SLC17A5: variants seen among roughly 807,000 people sequenced by gnomAD.
SLC17A5 encodes the protein sialin.
In SLC17A5, 47 loss-of-function variants were observed where a neutral mutation model predicts 59.4. That is an observed-to-expected ratio of 0.79 (90% CI 0.63 to 1.01). The LOEUF (loss-of-function observed/expected upper bound fraction) is 1.01. Among genes scored for constraint, SLC17A5 ranks in the 50% least tolerant of loss-of-function variants. SLC17A5 has a pLI of 0.00. For synonymous variants in SLC17A5, 202 were observed against 210.7 expected, an observed-to-expected ratio of 0.96 and a Z score of 0.36; for missense variants, 522 against 595.5, an observed-to-expected ratio of 0.88 and a Z score of 1.28.
intron 6 of SLC17A5, among the ~76,000 whole-genome samples, chr6:73,623,338 C>T (rs575363914): frequency 3.3e-4 from 48 of 147,660 alleles, no homozygotes; most frequent in Admixed American, 1.2e-3. Context: ...TGCACCTGGC[C>T]TATGTATTTT....
chr6:73,596,578 C>A (rs896292856), intron 10 of SLC17A5, among the ~76,000 whole-genome samples: 1 of 152,174 alleles, frequency 6.6e-6, no homozygotes, highest in Non-Finnish European at 1.5e-5. Flanking sequence ...AACACACGGC[C>A]GGGCGTGGTG....
In SLC17A5 at chr6:73,599,883, G is replaced by A. The variant is rs141804307; in HGVS notation, c.1350+468C>T. 1.8e-3 allele frequency among the ~76,000 whole-genome samples: 269 copies of A among 151,640 alleles called. 1 individual carries two copies. Among genetic ancestry groups the A allele is most frequent in the African/African-American group, 6.0e-3 (248 of 41,322 alleles). ...GTGATGTTGGCTTACTGCAACCTCCGCCTCCTGGGTTTGAGCGATTCTTGT... is the reference window on the plus strand; with the variant it reads ...GTGATGTTGGCTTACTGCAACCTCCACCTCCTGGGTTTGAGCGATTCTTGT... On this transcript the variant is annotated intron_variant, in intron 10 of 10. Transcript: ENST00000355773.
chr6:73,597,263 G>A (rs1581950525), intron 10 of SLC17A5, among the ~76,000 whole-genome samples: 1 of 150,748 alleles, frequency 6.6e-6, no homozygotes, highest in Admixed American at 6.6e-5. Context: ...GTCAGGAGAT[G>A]GAGACTGTCC....
Position 73,594,761 on chromosome 6 carries a change from C to T in SLC17A5, c.*316G>A, listed in dbSNP as rs78989857. 8.5e-4 allele frequency: 311 copies of T among 364,224 alleles called. 2 individuals are homozygous for T. The highest frequency in any genetic ancestry group is 5.8e-3 in the African/African-American group (277 of 48,048). 22.6% of individuals were successfully genotyped at this position (364,224 alleles called of 1,614,324 possible). A position where few individuals can be genotyped will look rare whatever the true frequency, so the allele number is the denominator to read the frequency against. On this transcript the variant is annotated 3_prime_UTR_variant, in exon 11 of 11. Coordinates refer to ENST00000355773, the MANE Select transcript of SLC17A5 (RefSeq NM_012434.5). ...ATCTAGTTTAATTAAGCAAAGGTAT[C>T]AGGAGGTCTGTTTCAGCTCATTCCC...
At position 73,648,102 on chromosome 6, in the gene SLC17A5, T is replaced by G. The variant is rs188750056; in HGVS notation, c.95-3499A>C. ...AAAGAAAATAAAAAGCCAACTCAGG[T>G]GTCACAAAGTATATTACTATGAGAT... On this transcript the variant is annotated intron_variant, in intron 1 of 10. Coordinates refer to ENST00000355773, the MANE Select transcript of SLC17A5 (RefSeq NM_012434.5). Among the ~76,000 whole-genome samples, 15 of 152,052 alleles carry G rather than the reference T, an allele frequency of 9.9e-5. No individual in the cohort carries two copies. In the East Asian group the frequency reaches 2.1e-3, roughly 22 times the overall value.
chr6:73,610,261 T>C, intron 9 of SLC17A5, 139 bp downstream of exon 9: 3 of 939,078 alleles, frequency 3.2e-6, no homozygotes, highest in South Asian at 1.4e-5. Flanking sequence ...CTCAAACTCC[T>C]GACCTCAGGT....
Position 73,645,182 on chromosome 6 carries a change from A to G in SLC17A5, c.95-579T>C, listed in dbSNP as rs533825935. On this transcript the variant is annotated intron_variant, in intron 1 of 10. Transcript: ENST00000355773. ...ACTTGAGTACTTACAATGACATGATATATTACTGATTATGAGTTAGTAGCC... is the reference window on the plus strand; with the variant it reads ...ACTTGAGTACTTACAATGACATGATGTATTACTGATTATGAGTTAGTAGCC... 3.5e-5 allele frequency: 7 copies of G among 197,802 alleles called. No individual in the cohort carries two copies. The East Asian group carries it at 1.3e-3, about 37-fold the overall frequency. The allele number at this position is 197,802 out of a possible 1,614,324, so 12.3% of individuals were successfully genotyped here.
chr6:73,601,105 T>A (rs867590637), intron 9 of SLC17A5, among the ~76,000 whole-genome samples: 134 of 150,394 alleles, frequency 8.9e-4, no homozygotes, highest in African/African-American at 3.2e-3. Flanking sequence ...GAGGAGCGCC[T>A]CTTCCCGGCA....
At chr6:73,620,870 G>A (rs1768109070) in intron 7 of SLC17A5, among the ~76,000 whole-genome samples, 1 of 151,682 alleles carries the variant, frequency 6.6e-6, no homozygotes, top group South Asian at 2.1e-4. Flanking sequence ...TACAGGTGTA[G>A]GCCACCATGC....
intron 1 of SLC17A5, among the ~76,000 whole-genome samples, chr6:73,646,101 G>A (rs1389264435): frequency 6.6e-6 from 1 of 152,098 alleles, no homozygotes; most frequent in Non-Finnish European, 1.5e-5. Context: ...ATTAAGCAAT[G>A]ACATATTAAA....
intron 1 of SLC17A5, chr6:73,645,558 G>A: frequency 1.4e-5 from 12 of 878,924 alleles, no homozygotes; most frequent in Non-Finnish European, 1.6e-5. Flanking sequence ...AAGCCGAGGC[G>A]GGCGGATCAC....
chr6:73,597,477 CA>C (rs1419579367), intron 10 of SLC17A5, among the ~76,000 whole-genome samples: 2 of 150,784 alleles, frequency 1.3e-5, no homozygotes, highest in Admixed American at 6.6e-5. Context: ...AAAAACAAAA[CA>C]AAACAAAACA....
intron 7 of SLC17A5, among the ~76,000 whole-genome samples, chr6:73,617,432 A>G (rs1257994402): frequency 6.6e-6 from 1 of 152,246 alleles, no homozygotes; most frequent in Non-Finnish European, 1.5e-5. Flanking sequence ...AGGAAAGTAA[A>G]AAAGAATAAG....
intron 8 of SLC17A5, among the ~76,000 whole-genome samples, chr6:73,614,410 TA>T (rs953426042): frequency 3.2e-4 from 48 of 152,332 alleles, no homozygotes; most frequent in African/African-American, 1.0e-3. Flanking sequence ...CCATTTCTAT[TA>T]AAAAATTGTT....
At chr6:73,643,229 G>A (rs1009781646) in intron 2 of SLC17A5, among the ~76,000 whole-genome samples, 1 of 150,996 alleles carries the variant, frequency 6.6e-6, no homozygotes, top group East Asian at 1.9e-4. Context: ...GCGCGATCTC[G>A]GCTCACTGCA....
At chr6:73,630,296 CTCT>C (rs1768639212) in intron 6 of SLC17A5, among the ~76,000 whole-genome samples, 1 of 152,124 alleles carries the variant, frequency 6.6e-6, no homozygotes, top group Non-Finnish European at 1.5e-5. Context: ...CAGCCTATTT[CTCT>C]TCTTGTAGAA....
At chr6:73,620,279 C>A (rs1768080613) in intron 7 of SLC17A5, among the ~76,000 whole-genome samples, 1 of 152,080 alleles carries the variant, frequency 6.6e-6, no homozygotes, top group African/African-American at 2.4e-5. Flanking sequence ...ATGATAATTA[C>A]CAAATTAACC....
intron 9 of SLC17A5, among the ~76,000 whole-genome samples, chr6:73,606,130 A>G (rs763830953): frequency 6.6e-6 from 1 of 151,794 alleles, no homozygotes; most frequent in Non-Finnish European, 1.5e-5. Flanking sequence ...GCAACCTCCA[A>G]CTCCTGGGTT....
intron 7 of SLC17A5, 65 bp from the exon 8 acceptor site, chr6:73,615,512 A>G (rs1767815096): frequency 6.6e-7 from 1 of 1,510,592 alleles, no homozygotes; most frequent in Non-Finnish European, 9.2e-7. Flanking sequence ...ATACACATTC[A>G]TCACAGCCAA....
Sources: gnomAD v4.1 joint callset for allele counts (sites outside exome capture counted in the v4.1 genomes callset) on GRCh38, gnomAD v4.1.1 for gene constraint, MANE v1.5 for transcripts, NCBI Gene and HGNC (gene_info 2026-07-23, HGNC 2026-07-21) for gene names.